The following FOXP1 variants were observed in gnomAD, a reference collection of about 807,000 sequenced individuals.
FOXP1 encodes forkhead box P1, also known as forkhead box protein P1.
Under a neutral mutation model 98.2 loss-of-function variants are expected in FOXP1, and 15 were observed. The observed-to-expected ratio is 0.15, with a 90% CI of 0.10 to 0.24. The LOEUF (loss-of-function observed/expected upper bound fraction) is 0.24, where lower values mean the gene tolerates loss of function less well. Among genes scored for constraint, FOXP1 ranks in the 10% least tolerant of loss-of-function variants. FOXP1 has a pLI of 1.00. For synonymous variants in FOXP1, 371 were observed against 314.5 expected (o/e 1.18, Z -1.90); for missense variants, 633 against 848.5 (o/e 0.75, Z 3.15).
At chr3:70,973,231 A>ACC (rs1249154910) in intron 17 of FOXP1, among the ~76,000 whole-genome samples, 4 of 136,118 alleles carry the variant, frequency 2.9e-5, no homozygotes, top group Non-Finnish European at 4.7e-5. Context: ...TGGTGAACGG[A>ACC]CCCCCCGCCC....
chr3:71,035,584 T>C (rs1158587646), intron 11 of FOXP1, among the ~76,000 whole-genome samples: 2 of 152,152 alleles, frequency 1.3e-5, no homozygotes. Context: ...TCTGTTATAG[T>C]GTTATAGATT....
chr3:71,174,285 A>T (rs1440785426), intron 6 of FOXP1, among the ~76,000 whole-genome samples: 2 of 152,186 alleles, frequency 1.3e-5, no homozygotes, highest in Non-Finnish European at 2.9e-5. Flanking sequence ...TGAGAATTTA[A>T]GAGTAAGCTG....
At chr3:71,496,798 T>C (rs2091447907) in intron 2 of FOXP1, among the ~76,000 whole-genome samples, 1 of 151,972 alleles carries the variant, frequency 6.6e-6, no homozygotes, top group African/African-American at 2.4e-5. Context: ...AGAGCAAGAC[T>C]CTGTCTAAAA....
intron 4 of FOXP1, among the ~76,000 whole-genome samples, chr3:71,330,008 A>C (rs2107715006): frequency 6.6e-6 from 1 of 152,286 alleles, no homozygotes; most frequent in African/African-American, 2.4e-5. Context: ...TAGGAGTTTG[A>C]GACTAGCCTA....
At chr3:71,123,238 C>T (rs1334819094) in intron 6 of FOXP1, among the ~76,000 whole-genome samples, 2 of 152,196 alleles carry the variant, frequency 1.3e-5, no homozygotes, top group Non-Finnish European at 2.9e-5. Flanking sequence ...AAGGGACCAG[C>T]CCTGCATCTG....
chr3:71,200,180 C>T (rs2063582058), intron 5 of FOXP1, among the ~76,000 whole-genome samples: 1 of 151,594 alleles, frequency 6.6e-6, no homozygotes, highest in South Asian at 2.1e-4. Context: ...AACCATTATC[C>T]CAGAGAGCCG....
intron 7 of FOXP1, among the ~76,000 whole-genome samples, chr3:71,076,369 C>T (rs73119667): frequency 0.012 from 1,891 of 152,260 alleles, 24 homozygotes; most frequent in Middle Eastern, 0.02. Context: ...TTAACAAATA[C>T]GTACATACGC....
intron 4 of FOXP1, among the ~76,000 whole-genome samples, chr3:71,341,807 G>A (rs911359331): frequency 3.3e-5 from 5 of 152,214 alleles, no homozygotes; most frequent in Admixed American, 1.3e-4. Context: ...CTCTCCAGTC[G>A]TAAGACTGAA....
intron 6 of FOXP1, among the ~76,000 whole-genome samples, chr3:71,116,562 CA>C (rs2058388464): frequency 6.6e-6 from 1 of 152,184 alleles, no homozygotes; most frequent in Admixed American, 6.5e-5. Flanking sequence ...AATTATCCCA[CA>C]ATAATTCCCC....
Position 71,460,728 on chromosome 3 carries a change from C to A in FOXP1, c.-168+32698G>T, listed in dbSNP as rs556155293. 3.9e-5 allele frequency among the ~76,000 whole-genome samples: 6 copies of A among 152,236 alleles called. No individual in the cohort carries two copies. In the South Asian group the frequency reaches 1.2e-3, roughly 32 times the overall value. ...TGCTGGGATTACAAGCGTGAGCTAC[C>A]GCGCCTGGCCTAATTTTTCTAACCT... On this transcript the variant is annotated intron_variant, in intron 3 of 20. Coordinates refer to ENST00000649528, the MANE Select transcript of FOXP1 (RefSeq NM_001349338.3).
rs554030202 is a variant in FOXP1 at position 71,248,627 on chromosome 3, G to A, written c.-11-50235C>T. Among the ~76,000 whole-genome samples the A allele has an allele frequency of 7.3e-4, 111 of 152,100 alleles. 1 individual carries two copies. Among genetic ancestry groups the A allele is most frequent in the African/African-American group, 2.6e-3 (108 of 41,482 alleles). On this transcript the variant is annotated intron_variant, in intron 5 of 20. Transcript: ENST00000649528. Reference sequence around the variant, plus strand: ...ATAGTGGCGCGCACATGTAATCCCAGCTACTCGGGTGGCTGAGGCAGGAGA... The same window carrying A: ...ATAGTGGCGCGCACATGTAATCCCAACTACTCGGGTGGCTGAGGCAGGAGA...
intron 13 of FOXP1, among the ~76,000 whole-genome samples, chr3:70,995,815 C>T (rs1048779523): frequency 7.2e-5 from 11 of 152,168 alleles, no homozygotes; most frequent in African/African-American, 2.7e-4. Flanking sequence ...TTAACCAACC[C>T]TTCCCTGTTA....
At chr3:71,486,279 G>C (rs947106689) in intron 3 of FOXP1, among the ~76,000 whole-genome samples, 1 of 151,950 alleles carries the variant, frequency 6.6e-6, no homozygotes, top group African/African-American at 2.4e-5. Flanking sequence ...AACCAACATA[G>C]GAAAAGTAAG....
intron 2 of FOXP1, among the ~76,000 whole-genome samples, chr3:71,558,031 G>A (rs2046264851): frequency 6.6e-6 from 1 of 152,164 alleles, no homozygotes; most frequent in Admixed American, 6.5e-5. Flanking sequence ...CGGCCGGGCT[G>A]GTGACCCGCC....
chr3:71,500,202 A>G (rs373070966), intron 2 of FOXP1, among the ~76,000 whole-genome samples: 2 of 152,258 alleles, frequency 1.3e-5, no homozygotes, highest in East Asian at 3.8e-4. Flanking sequence ...CTCAAAAACA[A>G]ATTTTTAAGT....
chr3:71,329,720 T>G (rs917746857), intron 4 of FOXP1: 6 of 152,228 alleles, frequency 3.9e-5, no homozygotes. Flanking sequence ...TAATACTTTC[T>G]ATAGTACAGC....
At chr3:71,229,751 C>T (rs932498087) in intron 5 of FOXP1, among the ~76,000 whole-genome samples, 1 of 151,988 alleles carries the variant, frequency 6.6e-6, no homozygotes, top group Non-Finnish European at 1.5e-5. Flanking sequence ...ATAAAATAAA[C>T]GCCGGAAGTT....
chr3:71,398,347 T>C (rs1352748157), intron 3 of FOXP1, among the ~76,000 whole-genome samples: 3 of 152,186 alleles, frequency 2.0e-5, no homozygotes, highest in African/African-American at 7.2e-5. Flanking sequence ...GTGCTGGGAT[T>C]TTCCCTCTTT....
rs72957361 is a variant in FOXP1 at position 71,365,411 on chromosome 3, T to C, written c.-167-6167A>G. Among the ~76,000 whole-genome samples the C allele has an allele frequency of 6.0e-3, 864 of 142,890 alleles. 11 individuals carry two copies. The highest frequency in any genetic ancestry group is 0.022 in the African/African-American group (829 of 37,832). The allele number at this position is 142,890 out of a possible 152,430, so 93.7% of individuals were successfully genotyped here. On this transcript the variant is annotated intron_variant, in intron 3 of 20. Coordinates refer to ENST00000649528, the MANE Select transcript of FOXP1 (RefSeq NM_001349338.3). ...ACATAGACAGCTTACTAGAATCCCA[T>C]GCCATTCCGAACAAAAATCCAAGGA...
Sources: gnomAD v4.1 joint callset for allele counts (sites outside exome capture counted in the v4.1 genomes callset) on GRCh38, gnomAD v4.1.1 for gene constraint, MANE v1.5 for transcripts, NCBI Gene and HGNC (gene_info 2026-07-23, HGNC 2026-07-21) for gene names.